EXOC1: variants seen among roughly 807,000 people sequenced by gnomAD.
The protein encoded by EXOC1 is exocyst complex component 1, also known as SEC3-like 1.
Under a neutral mutation model 107.7 loss-of-function variants are expected in EXOC1, and 67 were observed. That is an observed-to-expected ratio of 0.62 (90% confidence interval 0.51 to 0.76). The LOEUF (loss-of-function observed/expected upper bound fraction) is 0.76, where lower values mean the gene tolerates loss of function less well. Among genes scored for constraint, EXOC1 ranks in the 30% least tolerant of loss-of-function variants. EXOC1 has a pLI of 0.00. For missense variants in EXOC1, 833 were observed against 1,055.7 expected (o/e 0.79, Z 2.92); for synonymous variants, 348 against 353.5 (o/e 0.98, Z 0.17).
rs752004007 is a variant in EXOC1 at position 55,902,544 on chromosome 4, C to T, written c.2532+6C>T. The T allele has an allele frequency of 1.1e-5, 16 of 1,464,278 alleles. No individual in the cohort carries two copies. Among genetic ancestry groups the T allele is most frequent in the Non-Finnish European group, 1.4e-5 (16 of 1,110,722 alleles). 90.7% of individuals were successfully genotyped at this position (1,464,278 alleles called of 1,614,324 possible). ...AAGAAGAGAACTTACTTCAGGTATG[C>T]TTACTTCTTTTGACCATCTGACTTA... is the stretch of plus-strand genomic sequence containing the variant. On this transcript the variant is annotated splice_donor_region_variant and intron_variant, in intron 18 of 18. Transcript: ENST00000381295.
intron 11 of EXOC1, among the ~76,000 whole-genome samples, 197 bp downstream of exon 11, chr4:55,889,129 G>A (rs566384072): frequency 6.6e-6 from 1 of 152,138 alleles, no homozygotes; most frequent in African/African-American, 2.4e-5. Flanking sequence ...ATTACTTGAC[G>A]AGTAGTAGAA....
At chr4:55,901,932 A>G (rs1458180942) in intron 17 of EXOC1, among the ~76,000 whole-genome samples, 2 of 152,186 alleles carry the variant, frequency 1.3e-5, no homozygotes, top group Non-Finnish European at 1.5e-5. Context: ...ATATATTTAT[A>G]GTAGATTTTC....
Position 55,904,588 on chromosome 4 carries a change from C to A in EXOC1, c.*93C>A. The A allele has an allele frequency of 7.7e-7, 1 of 1,300,190 alleles. No individual in the cohort carries two copies. Among genetic ancestry groups the A allele is most frequent in the Non-Finnish European group, 1.0e-6 (1 of 970,326 alleles). 80.5% of individuals were successfully genotyped at this position (1,300,190 alleles called of 1,614,324 possible). A position where few individuals can be genotyped will look rare whatever the true frequency, so the allele number is the denominator to read the frequency against. ...CAAGCAACTGTTTTGAGAACCCAGA[C>A]TTAAAATTTTATGTATTATTAAATG... On this transcript the variant is annotated 3_prime_UTR_variant, in exon 19 of 19. Coordinates refer to ENST00000381295, the MANE Select transcript of EXOC1 (RefSeq NM_001024924.2).
At chr4:55,903,050 A>C (rs891712371) in intron 18 of EXOC1, among the ~76,000 whole-genome samples, 2 of 151,846 alleles carry the variant, frequency 1.3e-5, no homozygotes, top group East Asian at 1.9e-4. Flanking sequence ...AAGCTGAGGC[A>C]GGAGGATCAC....
Position 55,868,353 on chromosome 4 carries a change from G to A in EXOC1, c.433G>A (p.Glu145Lys). Residue 145 changes from glutamate (E) to lysine (K), a missense_variant, in exon 5 of 19, where the codon GAA becomes AAA. This residue lies in a region of EXOC1 where 617 missense variants were observed against 701.3 expected (regional missense o/e 0.88). Transcript: ENST00000381295. ...QLLEESVPSGENQSVTGGDEE... is the reference protein window; with the variant it reads ...QLLEESVPSGKNQSVTGGDEE... Reference sequence around the variant, plus strand: ...TCTTTAAGAATCTGTTCCAAGTGGAGAAAATCAGAGTGTGACAGGAGGTGA... The same window carrying A: ...TCTTTAAGAATCTGTTCCAAGTGGAAAAAATCAGAGTGTGACAGGAGGTGA... The A allele has an allele frequency of 6.2e-7, 1 of 1,611,824 alleles. No homozygotes were observed. The highest frequency in any genetic ancestry group is 8.5e-7 in the Non-Finnish European group (1 of 1,178,642).
At chr4:55,867,700 A>G (rs575046925) in intron 4 of EXOC1, among the ~76,000 whole-genome samples, 2 of 152,212 alleles carry the variant, frequency 1.3e-5, no homozygotes, top group South Asian at 2.1e-4. Context: ...TCTTACTTAG[A>G]GTTATTGAGA....
intron 1 of EXOC1, among the ~76,000 whole-genome samples, chr4:55,854,317 C>G (rs1377791823): frequency 1.3e-5 from 2 of 152,090 alleles, no homozygotes; most frequent in East Asian, 3.9e-4. Context: ...CACGGGCACT[C>G]ACACTGACAG....
chr4:55,891,299 C>T lies in EXOC1; in HGVS notation c.1540-16C>T, dbSNP rs756390116. The T allele has an allele frequency of 1.3e-6, 2 of 1,545,212 alleles. No homozygotes were observed. The highest frequency in any genetic ancestry group is 1.8e-6 in the Non-Finnish European group (2 of 1,117,790). ...GTGCAGTTCTTTCGTTATAGGATCA[C>T]TTTGGTTTTCTTCAGATCTTTGAAC... On this transcript the variant is annotated splice_polypyrimidine_tract_variant and intron_variant, in intron 12 of 18. Transcript: ENST00000381295.
At chr4:55,893,856 G>A (rs1056682249) in intron 15 of EXOC1, 76 bp downstream of exon 15, 2 of 1,177,486 alleles carry the variant, frequency 1.7e-6, no homozygotes, top group African/African-American at 3.1e-5. Context: ...TTAAAATCGA[G>A]GGATTTCCAG....
At chr4:55,890,090 A>G (rs1282635450) in intron 11 of EXOC1, 133 bp from the exon 12 acceptor site, 3 of 762,508 alleles carry the variant, frequency 3.9e-6, no homozygotes, top group Non-Finnish European at 6.3e-6. Context: ...TATCCCTTAT[A>G]GAAGATTTGT....
intron 18 of EXOC1, 60 bp from the exon 19 acceptor site, chr4:55,904,283 G>T: frequency 5.5e-6 from 8 of 1,450,270 alleles, no homozygotes; most frequent in East Asian, 4.9e-5. Context: ...CATTATTTCT[G>T]CATACTAGAT....
At chr4:55,891,197 C>T in intron 12 of EXOC1, 118 bp from the exon 13 acceptor site, 1 of 644,000 alleles carries the variant, frequency 1.6e-6, no homozygotes, top group Non-Finnish European at 2.7e-6. Context: ...ATTATAAATT[C>T]ATAGATTAGT....
Position 55,892,444 on chromosome 4 carries a change from G to T in EXOC1, c.1648-191G>T, listed in dbSNP as rs1174661796. On this transcript the variant is annotated intron_variant, in intron 13 of 18. Transcript: ENST00000381295. ...AAAGTTCTTGGATAAAACCTAAGAA[G>T]AGTATCTCATGAACATTCTTAAATA... 2.0e-5 allele frequency among the ~76,000 whole-genome samples: 3 copies of T among 152,056 alleles called. No homozygotes were observed. In the East Asian group the frequency reaches 5.8e-4, roughly 29 times the overall value.
chr4:55,873,218 T>C (rs1034031161), intron 8 of EXOC1, among the ~76,000 whole-genome samples: 3 of 151,912 alleles, frequency 2.0e-5, no homozygotes, highest in Admixed American at 2.0e-4. Context: ...ACAAATAATA[T>C]ACTCAAGAGG....
At chr4:55,854,312 G>A (rs191212679) in intron 1 of EXOC1, among the ~76,000 whole-genome samples, 42 of 152,090 alleles carry the variant, frequency 2.8e-4, no homozygotes, top group African/African-American at 8.0e-4. Flanking sequence ...ATGCACACGG[G>A]CACTCACACT....
intron 10 of EXOC1, among the ~76,000 whole-genome samples, chr4:55,886,159 C>T (rs1393549889): frequency 6.6e-6 from 1 of 152,238 alleles, no homozygotes; most frequent in Non-Finnish European, 1.5e-5. Context: ...AATGTGTTTT[C>T]ACCATGTTTA....
chr4:55,891,953 G>A (rs913678367), intron 13 of EXOC1, among the ~76,000 whole-genome samples: 3 of 152,142 alleles, frequency 2.0e-5, no homozygotes, highest in African/African-American at 7.2e-5. Flanking sequence ...TGCCTATTCA[G>A]CATGCCTTTC....
chr4:55,864,470 A>C, intron 4 of EXOC1, 84 bp downstream of exon 4: 1 of 1,157,398 alleles, frequency 8.6e-7, no homozygotes, highest in Non-Finnish European at 1.2e-6. Flanking sequence ...ATTAATTAGA[A>C]TACTGAATTA....
At position 55,860,444 on chromosome 4, in the gene EXOC1, T is replaced by TC. The variant is rs1220888701; in HGVS notation, c.159dup (p.Lys54GlnfsTer7). 6.2e-7 allele frequency: 1 copy of TC among 1,613,946 alleles called. No individual in the cohort carries two copies. The highest frequency in any genetic ancestry group is 1.7e-5 in the Admixed American group (1 of 60,018). ...GAACGCCCTGTGCAGGTTAAGGTGGTCAAAGTCAAGAAATCCGATAAGGGA... is the reference window on the plus strand; with the variant it reads ...GAACGCCCTGTGCAGGTTAAGGTGGTCCAAAGTCAAGAAATCCGATAAGGGA... On this transcript the variant is annotated frameshift_variant, in exon 3 of 19. Coordinates refer to ENST00000381295, the MANE Select transcript of EXOC1 (RefSeq NM_001024924.2). LOFTEE classifies it high-confidence loss of function.
Sources: gnomAD v4.1 joint callset for allele counts (sites outside exome capture counted in the v4.1 genomes callset) on GRCh38, gnomAD v4.1.1 for gene constraint, gnomAD v4.1.1 regional missense constraint, MANE v1.5 for transcripts, NCBI Gene and HGNC (gene_info 2026-07-23, HGNC 2026-07-21) for gene names.